Variants in KLF8 observed in about 807,000 individuals in gnomAD.
KLF8 encodes the protein Krueppel-like factor 8.
KLF8 carries 10 observed loss-of-function variants against 18.2 expected under a neutral mutation model. That is an observed-to-expected ratio of 0.55 (90% confidence interval 0.34 to 0.93). The LOEUF is 0.93. KLF8 is among the 40% of genes least tolerant of loss of function. The pLI is 0.02. For synonymous variants in KLF8, 109 were observed against 97.3 expected (o/e 1.12, Z -0.71); for missense variants, 264 against 277.9 (o/e 0.95, Z 0.36).
At chrX:56,181,624 A>G in the KLF8 span, among the ~76,000 whole-genome samples, 1 of 110,806 alleles carries the variant, frequency 9.0e-6, no homozygotes, top group Non-Finnish European at 1.9e-5. Flanking sequence ...CCATGTTTAG[A>G]TCTTCCTTCA....
the KLF8 span, among the ~76,000 whole-genome samples, chrX:56,060,189 C>T: frequency 9.0e-6 from 1 of 111,447 alleles, no homozygotes; most frequent in Non-Finnish European, 1.9e-5. Flanking sequence ...TTTTCTCTTG[C>T]CTGATTGCCC....
At chrX:56,183,185 C>T in the KLF8 span, among the ~76,000 whole-genome samples, 1 of 112,044 alleles carries the variant, frequency 8.9e-6, no homozygotes, top group Admixed American at 9.5e-5. Flanking sequence ...GCCCCTAACC[C>T]AGTCTTGCTG....
In KLF8 at chrX:56,287,705, A is replaced by G. The variant is rs1007065015; in HGVS notation, c.*3211A>G. The G allele has an allele frequency of 8.9e-6, 1 of 111,977 alleles. No homozygotes were observed. The highest frequency in any genetic ancestry group is 3.2e-5 in the African/African-American group (1 of 30,799). 9.2% of individuals were successfully genotyped at this position (111,977 alleles called of 1,213,427 possible). A position where few individuals can be genotyped will look rare whatever the true frequency, so the allele number is the denominator to read the frequency against. The stretch of plus-strand genomic sequence containing the variant: ...TATGGGCAAGACAAAGGTTTTCGAT[A>G]TTAACTTCTTTTAAAATAAACTTTT... On this transcript the variant is annotated 3_prime_UTR_variant, in exon 6 of 6. Transcript: ENST00000468660.
chrX:55,961,718 C>T, the KLF8 span: 6 of 381,404 alleles, frequency 1.6e-5, no homozygotes, highest in Non-Finnish European at 3.0e-5. Flanking sequence ...TGCTGGCATG[C>T]AGCTACAAAT....
chrX:56,157,080 T>G, the KLF8 span, among the ~76,000 whole-genome samples: 2 of 108,127 alleles, frequency 1.8e-5, no homozygotes, highest in Non-Finnish European at 3.8e-5. Context: ...TCATGTCCTT[T>G]GTAGGGACAT....
chrX:56,162,762 C>T, the KLF8 span, among the ~76,000 whole-genome samples: 1 of 111,145 alleles, frequency 9.0e-6, no homozygotes, highest in African/African-American at 3.3e-5. Context: ...GCTCCGTATG[C>T]TGCATCCACT....
At chrX:56,026,082 C>G in the KLF8 span, among the ~76,000 whole-genome samples, 1 of 112,254 alleles carries the variant, frequency 8.9e-6, no homozygotes, top group Non-Finnish European at 1.9e-5. Context: ...CTCAGAGTCA[C>G]TTTACAGGGA....
At chrX:56,117,706 T>G in the KLF8 span, among the ~76,000 whole-genome samples, 1 of 112,289 alleles carries the variant, frequency 8.9e-6, no homozygotes. Flanking sequence ...ATTAACTGTC[T>G]TTTAGTGTTT....
chrX:56,133,481 C>A, the KLF8 span, among the ~76,000 whole-genome samples: 2 of 111,584 alleles, frequency 1.8e-5, no homozygotes, highest in African/African-American at 6.5e-5. Context: ...AAGATTAAAA[C>A]CCTCAGCAAA....
At chrX:56,129,651 C>A in the KLF8 span, among the ~76,000 whole-genome samples, 1 of 111,410 alleles carries the variant, frequency 9.0e-6, no homozygotes, top group Non-Finnish European at 1.9e-5. Flanking sequence ...ACCACTTGAA[C>A]CAAACGTGAA....
At chrX:56,044,285 A>T in the KLF8 span, among the ~76,000 whole-genome samples, 1 of 111,975 alleles carries the variant, frequency 8.9e-6, no homozygotes, top group Non-Finnish European at 1.9e-5. Flanking sequence ...AGGAGGAATG[A>T]GTTCAGGCAC....
chrX:56,119,034 AC>A, the KLF8 span, among the ~76,000 whole-genome samples: 1 of 111,047 alleles, frequency 9.0e-6, no homozygotes, highest in African/African-American at 3.3e-5. Flanking sequence ...GTTTTGCAGG[AC>A]CCAGGATAGC....
At chrX:56,072,463 G>A in the KLF8 span, among the ~76,000 whole-genome samples, 1 of 111,432 alleles carries the variant, frequency 9.0e-6, no homozygotes. Flanking sequence ...TTATTGGCAG[G>A]TAGATTAGCT....
At chrX:56,033,167 C>A in the KLF8 span, among the ~76,000 whole-genome samples, 1 of 111,322 alleles carries the variant, frequency 9.0e-6, no homozygotes, top group Admixed American at 9.6e-5. Flanking sequence ...ACCTTCTTAG[C>A]AACATCTCCC....
At chrX:56,012,848 G>GA in the KLF8 span, among the ~76,000 whole-genome samples, 108 of 109,165 alleles carry the variant, frequency 9.9e-4, no homozygotes, top group African/African-American at 2.5e-3. Flanking sequence ...CACAGAATTA[G>GA]AAAAAAAAAC....
At position 56,287,465 on chromosome X, in the gene KLF8, T is replaced by C. The variant is rs1416392484; in HGVS notation, c.*2971T>C. ...CTCTTGAATAGCATTTGGGGTTCAA[T>C]TGAATTTGTTGTGTTTACAACAGCA... On this transcript the variant is annotated 3_prime_UTR_variant, in exon 6 of 6. Transcript: ENST00000468660. The C allele has an allele frequency of 8.9e-6, 1 of 112,185 alleles. No homozygotes were observed. Among genetic ancestry groups the C allele is most frequent in the Non-Finnish European group, 1.9e-5 (1 of 53,238 alleles). 9.2% of individuals were successfully genotyped at this position (112,185 alleles called of 1,213,427 possible). A position where few individuals can be genotyped will look rare whatever the true frequency, so the allele number is the denominator to read the frequency against.
At chrX:56,063,713 C>T in the KLF8 span, among the ~76,000 whole-genome samples, 2 of 111,542 alleles carry the variant, frequency 1.8e-5, no homozygotes, top group East Asian at 2.8e-4. Flanking sequence ...CTCTTCAGAG[C>T]TGGCAGGCAG....
the KLF8 span, among the ~76,000 whole-genome samples, chrX:56,182,468 C>G: frequency 1.8e-5 from 2 of 112,498 alleles, no homozygotes; most frequent in Non-Finnish European, 3.8e-5. Context: ...CTTCTGTTAC[C>G]TCATCAAAGT....
chrX:56,218,708 T>C, the KLF8 span, among the ~76,000 whole-genome samples: 9 of 112,295 alleles, frequency 8.0e-5, no homozygotes, highest in African/African-American at 2.9e-4. Flanking sequence ...AATTCAACTT[T>C]TTAATTTTAC....
Sources: gnomAD v4.1 joint callset for allele counts (sites outside exome capture counted in the v4.1 genomes callset) on GRCh38, gnomAD v4.1.1 for gene constraint, MANE v1.5 for transcripts, NCBI Gene and HGNC (gene_info 2026-07-23, HGNC 2026-07-21) for gene names.